The following AKAP13 variants were observed in gnomAD, a reference collection of about 807,000 sequenced individuals.
AKAP13 encodes A-kinase anchor protein 13.
Under a neutral mutation model 264.5 loss-of-function variants are expected in AKAP13, and 80 were observed. That is an observed-to-expected ratio of 0.30 (90% CI 0.25 to 0.36). The LOEUF (loss-of-function observed/expected upper bound fraction) is 0.36, where lower values mean the gene tolerates loss of function less well. Among genes scored for constraint, AKAP13 ranks in the 10% least tolerant of loss-of-function variants. The pLI is 1.00. For missense variants in AKAP13, 3,712 were observed against 3,435.2 expected (o/e 1.08, Z -2.01); for synonymous variants, 1,380 against 1,250.2 (o/e 1.10, Z -2.19).
At chr15:85,399,106 G>C (rs1325756999) in intron 1 of AKAP13, among the ~76,000 whole-genome samples, 4 of 152,198 alleles carry the variant, frequency 2.6e-5, no homozygotes, top group Admixed American at 2.0e-4. Flanking sequence ...TTGTCAAGTT[G>C]TCTACAGAAA....
At chr15:85,393,248 C>G (rs2070952764) in intron 1 of AKAP13, among the ~76,000 whole-genome samples, 1 of 152,198 alleles carries the variant, frequency 6.6e-6, no homozygotes, top group Non-Finnish European at 1.5e-5. Flanking sequence ...CACAGAGCGG[C>G]TGGGCTCAGA....
chr15:85,388,331 T>C (rs1034698978), intron 1 of AKAP13, among the ~76,000 whole-genome samples: 3 of 152,032 alleles, frequency 2.0e-5, no homozygotes, highest in Admixed American at 1.3e-4. Context: ...AGGCGTGAGC[T>C]ACAGCGCTGG....
chr15:85,646,574 A>G lies in AKAP13; in HGVS notation c.4374+620A>G, dbSNP rs551277172. ...AATTAATTAAGTCAGATGACAGTGA[A>G]CACTTCTCAGTGGGCAGCAAGGACC... On this transcript the variant is annotated intron_variant, in intron 10 of 36. Transcript: ENST00000394518. Among the ~76,000 whole-genome samples, 5 of 152,326 alleles carry G rather than the reference A, an allele frequency of 3.3e-5. No individual in the cohort carries two copies. The East Asian group carries it at 7.7e-4, about 23-fold the overall frequency.
At chr15:85,594,152 A>G (rs563588505) in intron 8 of AKAP13, among the ~76,000 whole-genome samples, 3 of 152,358 alleles carry the variant, frequency 2.0e-5, no homozygotes, top group East Asian at 3.9e-4. Flanking sequence ...GGAAGAAGCT[A>G]TCAGTTATAT....
At chr15:85,403,567 G>A (rs550756993) in intron 1 of AKAP13, among the ~76,000 whole-genome samples, 25 of 152,108 alleles carry the variant, frequency 1.6e-4, no homozygotes, top group African/African-American at 5.1e-4. Flanking sequence ...GAGGTCGGGC[G>A]CAGTGGCTCA....
chr15:85,460,913 A>G (rs1380932317), intron 1 of AKAP13, among the ~76,000 whole-genome samples: 1 of 151,622 alleles, frequency 6.6e-6, no homozygotes, highest in African/African-American at 2.4e-5. Context: ...TGTGAGATCG[A>G]TCTCAGATTT....
At chr15:85,601,608 TTGTGTGTGTGTGTGTGTGTGTGTGTG>T (rs10574160) in intron 8 of AKAP13, among the ~76,000 whole-genome samples, 2 of 131,990 alleles carry the variant, frequency 1.5e-5, no homozygotes, top group Admixed American at 7.8e-5. Context: ...CCTGAATTCT[TTGTGTGTGTGTGTGTGTGTGTGTGTG>T]TGTGTGTGTG....
chr15:85,696,333 C>G (rs2085564792), intron 17 of AKAP13, among the ~76,000 whole-genome samples: 1 of 152,166 alleles, frequency 6.6e-6, no homozygotes, highest in South Asian at 2.1e-4. Flanking sequence ...ATTATGCATG[C>G]CCAGCCCATC....
intron 16 of AKAP13, among the ~76,000 whole-genome samples, chr15:85,688,027 C>G (rs368066921): frequency 1.1e-5 from 1 of 94,406 alleles, no homozygotes; most frequent in Non-Finnish European, 1.9e-5. Context: ...AAGACCCTGT[C>G]TCTTAAAAAA....
At chr15:85,650,810 C>T (rs1318846080) in intron 10 of AKAP13, among the ~76,000 whole-genome samples, 1 of 126,106 alleles carries the variant, frequency 7.9e-6, no homozygotes, top group Non-Finnish European at 1.7e-5. Flanking sequence ...CTGCAATTGC[C>T]TGTGCACAAG....
intron 7 of AKAP13, among the ~76,000 whole-genome samples, chr15:85,585,410 T>A (rs10520594): frequency 0.17 from 25,672 of 152,160 alleles, 2,462 homozygotes; most frequent in Non-Finnish European, 0.22. Flanking sequence ...GGTGCTACAC[T>A]CAGATTTGTC....
intron 2 of AKAP13, among the ~76,000 whole-genome samples, chr15:85,506,227 T>C (rs1401978824): frequency 6.6e-6 from 1 of 152,170 alleles, no homozygotes; most frequent in East Asian, 1.9e-4. Flanking sequence ...GAGGTTGCAG[T>C]GAGCTGAGAT....
chr15:85,565,306 C>T (rs1173189422), intron 5 of AKAP13, among the ~76,000 whole-genome samples: 2 of 151,576 alleles, frequency 1.3e-5, no homozygotes, highest in Non-Finnish European at 2.9e-5. Flanking sequence ...TATATTCGTT[C>T]ATCTACAGAT....
chr15:85,409,976 G>A (rs2071882034), intron 1 of AKAP13, among the ~76,000 whole-genome samples: 2 of 151,620 alleles, frequency 1.3e-5, no homozygotes, highest in African/African-American at 2.4e-5. Flanking sequence ...TATAAGGGAG[G>A]TTGTTGCTTT....
At chr15:85,664,891 A>G (rs2083506532) in intron 13 of AKAP13, 136 bp downstream of exon 13, 1 of 827,936 alleles carries the variant, frequency 1.2e-6, no homozygotes, top group African/African-American at 1.7e-5. Flanking sequence ...CTAGCACTAA[A>G]CCAAGTGTTT....
chr15:85,571,867 A>G lies in AKAP13; in HGVS notation c.663-3264A>G, dbSNP rs150516111. On this transcript the variant is annotated intron_variant, in intron 5 of 36. Transcript: ENST00000394518. ...GGAAGCCAGTGGGAAGATACTTGCA[A>G]TGACTGATCTTTAGTATCTAGAGGG... is the stretch of plus-strand genomic sequence containing the variant. Among the ~76,000 whole-genome samples the G allele has an allele frequency of 6.3e-3, 965 of 152,340 alleles. 11 individuals are homozygous for G. The highest frequency in any genetic ancestry group is 0.022 in the African/African-American group (904 of 41,568).
chr15:85,624,600 G>A (rs1381969643), intron 8 of AKAP13: 1 of 152,240 alleles, frequency 6.6e-6, no homozygotes, highest in African/African-American at 2.4e-5. Context: ...TGGCTTCTAT[G>A]TCCGGATGGT....
Position 85,717,391 on chromosome 15 carries a change from T to C in AKAP13, c.5837T>C (p.Leu1946Pro). The C allele has an allele frequency of 6.2e-7, 1 of 1,610,732 alleles. No homozygotes were observed. The highest frequency in any genetic ancestry group is 8.5e-7 in the Non-Finnish European group (1 of 1,177,466). Reference protein sequence around the residue: ...ISKVNESTESLTDEGVGTDMN... With the variant: ...ISKVNESTESPTDEGVGTDMN... ...AAGGTCAATGAGTCAACAGAATCAC[T>C]TACTGATGAGGGTAAGAGGAAGTTA... is the stretch of plus-strand genomic sequence containing the variant. The change falls in exon 21 of 37, where the codon CTT becomes CCT. Residue 1946 changes from leucine to proline, a missense_variant. Physicochemically the swap from Leu to Pro is moderately conservative, Grantham distance 98. Around this residue, in one of 3 missense-constraint regions of AKAP13, gnomAD observed 2,759 missense variants for 2,411.7 expected, o/e 1.14. Coordinates refer to ENST00000394518, the MANE Select transcript of AKAP13 (RefSeq NM_007200.5).
chr15:85,429,576 G>A (rs1409840449), intron 1 of AKAP13, among the ~76,000 whole-genome samples: 1 of 152,178 alleles, frequency 6.6e-6, no homozygotes, highest in Non-Finnish European at 1.5e-5. Context: ...GAGTTAAAGT[G>A]TGCACATAAT....
Sources: allele counts gnomAD v4.1 joint callset (sites outside exome capture counted in the v4.1 genomes callset), GRCh38; gene constraint gnomAD v4.1.1; regional missense constraint gnomAD v4.1.1; transcripts MANE v1.5; gene names NCBI Gene and HGNC (gene_info 2026-07-23, HGNC 2026-07-21).